S100A8: variants seen among roughly 807,000 people sequenced by gnomAD.
S100A8 encodes the protein S100 calcium binding protein A8.
In S100A8, 1 loss-of-function variant was observed where a neutral mutation model predicts 4.2. The ratio of observed to expected loss-of-function variants is 0.24; its 90% CI spans 0.08 to 1.12. The LOEUF (loss-of-function observed/expected upper bound fraction) is 1.12. Ranked by LOEUF, S100A8 falls within the 50% of genes most tolerant of loss-of-function variation. The pLI, the probability that S100A8 is intolerant of heterozygous loss-of-function variation, is 0.53. For synonymous variants in S100A8, 41 were observed against 44.7 expected, an observed-to-expected ratio of 0.92 and a Z score of 0.33; for missense variants, 96 against 111.8, an observed-to-expected ratio of 0.86 and a Z score of 0.64.
chr1:153,413,350 C>T, the S100A8 span, among the ~76,000 whole-genome samples: 6 of 152,070 alleles, frequency 3.9e-5, no homozygotes. Flanking sequence ...GCTGGCCAAC[C>T]AATTCTGGAG....
At chr1:153,418,390 C>G in the S100A8 span, among the ~76,000 whole-genome samples, 1 of 152,070 alleles carries the variant, frequency 6.6e-6, no homozygotes, top group South Asian at 2.1e-4. Flanking sequence ...GGATGGTAGG[C>G]GAAAAAGTAT....
upstream of S100A8, among the ~76,000 whole-genome samples, chr1:153,394,195 G>A (rs1205335613): frequency 5.3e-5 from 8 of 152,164 alleles, no homozygotes; most frequent in Admixed American, 5.2e-4. Flanking sequence ...GACCTGACAG[G>A]TCCATCCCTG....
the S100A8 span, among the ~76,000 whole-genome samples, chr1:153,412,643 C>G: frequency 6.9e-3 from 1,055 of 152,222 alleles, 15 homozygotes; most frequent in African/African-American, 0.024. Context: ...GGTATATACC[C>G]AAGGGATTAT....
chr1:153,410,274 G>A, the S100A8 span, among the ~76,000 whole-genome samples: 18 of 151,980 alleles, frequency 1.2e-4, no homozygotes, highest in East Asian at 2.7e-3. Flanking sequence ...TCAAATAGAC[G>A]CAATAAAAAA....
chr1:153,398,832 T>G, the S100A8 span, among the ~76,000 whole-genome samples: 77 of 152,238 alleles, frequency 5.1e-4, no homozygotes, highest in African/African-American at 1.9e-3. Context: ...AGAGGATAAG[T>G]AATTTCCCCA....
At chr1:153,397,673 C>A in the S100A8 span, among the ~76,000 whole-genome samples, 1 of 152,150 alleles carries the variant, frequency 6.6e-6, no homozygotes, top group Admixed American at 6.5e-5. Flanking sequence ...GCCCTAGAAA[C>A]CATCTGGGGG....
the S100A8 span, among the ~76,000 whole-genome samples, chr1:153,409,006 C>T: frequency 6.6e-6 from 1 of 152,172 alleles, no homozygotes; most frequent in Non-Finnish European, 1.5e-5. Flanking sequence ...ACAACCGTTA[C>T]CAGCCACTAC....
the S100A8 span, among the ~76,000 whole-genome samples, chr1:153,417,455 G>A: frequency 6.6e-6 from 1 of 152,104 alleles, no homozygotes; most frequent in Non-Finnish European, 1.5e-5. Flanking sequence ...CATTCCCAAG[G>A]GAATGTAGGA....
At chr1:153,393,117 G>T (rs1019350049), upstream of S100A8, among the ~76,000 whole-genome samples, 4 of 152,116 alleles carry the variant, frequency 2.6e-5, no homozygotes, top group African/African-American at 9.7e-5. Context: ...AGTGACTCAT[G>T]ATGTGATGTG....
At chr1:153,405,361 T>C in the S100A8 span, among the ~76,000 whole-genome samples, 1 of 150,200 alleles carries the variant, frequency 6.7e-6, no homozygotes, top group Non-Finnish European at 1.5e-5. Flanking sequence ...CTGCACCATT[T>C]TGTAAGCCCC....
At chr1:153,391,470 C>G (rs936997589), upstream of S100A8, among the ~76,000 whole-genome samples, 1 of 152,152 alleles carries the variant, frequency 6.6e-6, no homozygotes, top group Non-Finnish European at 1.5e-5. Flanking sequence ...AGTGCATGCA[C>G]TCAGTGAGAA....
At chr1:153,407,387 T>A in the S100A8 span, among the ~76,000 whole-genome samples, 1 of 152,164 alleles carries the variant, frequency 6.6e-6, no homozygotes, top group Non-Finnish European at 1.5e-5. Flanking sequence ...AGCAGTGTGA[T>A]ATCAAACTGC....
At chr1:153,413,736 A>T in the S100A8 span, among the ~76,000 whole-genome samples, 1 of 152,118 alleles carries the variant, frequency 6.6e-6, no homozygotes, top group Non-Finnish European at 1.5e-5. Flanking sequence ...CCCCATTTCT[A>T]TTAAAAATAC....
chr1:153,398,628 C>T, the S100A8 span, among the ~76,000 whole-genome samples: 2 of 152,238 alleles, frequency 1.3e-5, no homozygotes. Context: ...CAAGATCACC[C>T]TGTCAGATCA....
At chr1:153,419,249 A>G in the S100A8 span, 7 of 1,614,202 alleles carry the variant, frequency 4.3e-6, no homozygotes, top group Admixed American at 1.2e-4. Flanking sequence ...TGGGAGACAT[A>G]GCCGCAGACT....
At chr1:153,415,478 C>CT in the S100A8 span, among the ~76,000 whole-genome samples, 1 of 152,166 alleles carries the variant, frequency 6.6e-6, no homozygotes, top group Non-Finnish European at 1.5e-5. Flanking sequence ...TCATCATCTC[C>CT]TTTTCCTCAC....
the S100A8 span, among the ~76,000 whole-genome samples, chr1:153,416,139 C>T: frequency 3.4e-4 from 52 of 152,306 alleles, no homozygotes; most frequent in African/African-American, 9.1e-4. Flanking sequence ...CAGGCTGTCA[C>T]AACAAATGTG....
chr1:153,404,622 T>G, the S100A8 span, among the ~76,000 whole-genome samples: 5 of 152,120 alleles, frequency 3.3e-5, no homozygotes, highest in African/African-American at 1.2e-4. Flanking sequence ...TAACCCACCA[T>G]TACTAAAAAT....
the S100A8 span, among the ~76,000 whole-genome samples, chr1:153,400,405 C>T: frequency 1.3e-5 from 2 of 152,076 alleles, no homozygotes; most frequent in Admixed American, 6.5e-5. Flanking sequence ...AGACTTCTCC[C>T]AGCCGGCCCC....
Sources: gnomAD v4.1 joint callset for allele counts (sites outside exome capture counted in the v4.1 genomes callset) on GRCh38, gnomAD v4.1.1 for gene constraint, MANE v1.5 for transcripts, NCBI Gene and HGNC (gene_info 2026-07-23, HGNC 2026-07-21) for gene names.